The following ZNF112 variants were observed in gnomAD, a reference collection of about 807,000 sequenced individuals.
ZNF112 encodes the protein zinc finger protein 112, also known as zinc finger protein 112 (Y14).
A neutral mutation model predicts 77.7 loss-of-function variants in ZNF112; 37 were observed. That is an observed-to-expected ratio of 0.48 (90% confidence interval 0.37 to 0.63). The LOEUF is 0.63. Ranked by LOEUF, ZNF112 falls within the 20% of genes least tolerant of loss-of-function variation. The probability of loss-of-function intolerance (pLI) is 0.00; values close to 1 mark genes in which losing one functional copy is unlikely to be tolerated. For synonymous variants in ZNF112, 333 were observed against 363.6 expected (o/e 0.92, Z 0.96); for missense variants, 950 against 1,077.4 (o/e 0.88, Z 1.66).
At chr19:44,338,476 C>A (rs1221738025) in intron 2 of ZNF112, among the ~76,000 whole-genome samples, 5 of 152,126 alleles carry the variant, frequency 3.3e-5, no homozygotes, top group Non-Finnish European at 7.3e-5. Flanking sequence ...AAAGTTAACA[C>A]CACCTTTGAG....
intron 1 of ZNF112, among the ~76,000 whole-genome samples, chr19:44,364,995 G>C (rs1970889028): frequency 6.6e-6 from 1 of 151,786 alleles, no homozygotes; most frequent in South Asian, 2.1e-4. Flanking sequence ...CATGAGACAA[G>C]CTGGGGGTGG....
Position 44,327,796 on chromosome 19 carries a change from T to C in ZNF112, c.2361A>G (p.Gln787=). The change falls in exon 4 of 4, where the codon CAA becomes CAG. Residue 787 remains glutamine (Q), a synonymous_variant. Transcript: ENST00000354340. ...CTTCCACATGAACCCTTTGGTGTGC[T>C]TGAAGGCGTGAACTCTCACTGAAAC... The part of the protein sequence containing the change: ...TKGFSESSRL[Q]AHQRVHVEGR... 3 of 1,614,048 alleles carry C rather than the reference T, an allele frequency of 1.9e-6. No individual in the cohort carries two copies. The highest frequency in any genetic ancestry group is 2.5e-6 in the Non-Finnish European group (3 of 1,179,962).
At chr19:44,359,940 T>C (rs1283021123), upstream of ZNF112, among the ~76,000 whole-genome samples, 1 of 152,074 alleles carries the variant, frequency 6.6e-6, no homozygotes, top group East Asian at 1.9e-4. Flanking sequence ...ACAAAATTTG[T>C]GAGAGGCTTC....
Position 44,328,850 on chromosome 19 carries a change from G to A in ZNF112, c.1307C>T (p.Ser436Leu), listed in dbSNP as rs1970197375. 6.2e-7 allele frequency: 1 copy of A among 1,613,828 alleles called. No individual in the cohort carries two copies. The highest frequency in any genetic ancestry group is 1.1e-5 in the South Asian group (1 of 91,084). Residue 436 changes from serine (S) to leucine (L), a missense_variant, in exon 4 of 4, where the codon TCA (serine) becomes TTA (leucine). Ser to Leu is a moderately radical substitution (Grantham distance 145). Around this residue, in one of 3 missense-constraint regions of ZNF112, gnomAD observed 560 missense variants for 557.3 expected, o/e 1.00. Coordinates refer to ENST00000354340, the MANE Select transcript of ZNF112 (RefSeq NM_013380.4). ...ATTACCACACTCCTCAGAATTATAT[G>A]AATTCTCTTCCATATGAACCCTATG... ...IQHRVHMEEN[S>L]YNSEECGNGF... is the part of the protein sequence containing the mutation.
rs767238202 is a variant in ZNF112 at position 44,328,025 on chromosome 19, C to G, written c.2132G>C (p.Gly711Ala). 1 of 1,613,928 alleles carries G rather than the reference C, an allele frequency of 6.2e-7. No individual in the cohort carries two copies. Among genetic ancestry groups the G allele is most frequent in the Admixed American group, 1.7e-5 (1 of 60,000 alleles). Reference sequence around the variant, plus strand: ...TACCTCACATATATATGGTCTTTCTCCAGAATGGACACTCTGATGACTCTG... The same window carrying G: ...TACCTCACATATATATGGTCTTTCTGCAGAATGGACACTCTGATGACTCTG... ...YLQSHQSVHS[G>A]ERPYICEVCG... is the part of the protein sequence containing the mutation. Residue 711 changes from glycine (G) to alanine (A), a missense_variant, in exon 4 of 4, where the codon GGA becomes GCA. Physicochemically the swap from Gly to Ala is moderately conservative, Grantham distance 60 (BLOSUM62 0). Coordinates refer to ENST00000354340, the MANE Select transcript of ZNF112 (RefSeq NM_013380.4).
rs972905945 is a variant in ZNF112 at position 44,327,639 on chromosome 19, A to G, written c.2518T>C (p.Ser840Pro). The change falls in exon 4 of 4, where the codon TCA becomes CCA. Residue 840 changes from serine to proline, a missense_variant. Physicochemically the swap from Ser to Pro is moderately conservative, Grantham distance 74 (BLOSUM62 -1). Around this residue, in one of 3 missense-constraint regions of ZNF112, gnomAD observed 373 missense variants for 482.8 expected, o/e 0.77. Transcript: ENST00000354340. ...ACTCTCTGGTGAGCCTGAAGATTTG[A>G]TCTCTGACTGAAGCCCTTTCCACAT... ...EVCGKGFSQR[S>P]NLQAHQRVHT... The G allele has an allele frequency of 6.2e-7, 1 of 1,613,756 alleles. No individual in the cohort carries two copies. The highest frequency in any genetic ancestry group is 1.3e-5 in the African/African-American group (1 of 74,832).
At chr19:44,356,125 T>C (rs374822799) in intron 1 of ZNF112, among the ~76,000 whole-genome samples, 1 of 152,186 alleles carries the variant, frequency 6.6e-6, no homozygotes, top group Non-Finnish European at 1.5e-5. Flanking sequence ...TCTGACCCCA[T>C]CCTGGGTTCA....
chr19:44,336,080 G>A (rs1970360235), intron 3 of ZNF112, among the ~76,000 whole-genome samples: 1 of 152,148 alleles, frequency 6.6e-6, no homozygotes, highest in Admixed American at 6.5e-5. Flanking sequence ...TTATAATGTT[G>A]GCATTGGTCA....
At chr19:44,366,341 T>C (rs1245368577) in intron 1 of ZNF112, among the ~76,000 whole-genome samples, 1 of 152,210 alleles carries the variant, frequency 6.6e-6, no homozygotes, top group African/African-American at 2.4e-5. Flanking sequence ...TCCTTTTTTT[T>C]CCAGTATAAG....
chr19:44,344,965 A>T (rs1970561185), intron 1 of ZNF112, among the ~76,000 whole-genome samples: 1 of 152,214 alleles, frequency 6.6e-6, no homozygotes, highest in Non-Finnish European at 1.5e-5. Flanking sequence ...ACAGTTGAGA[A>T]TACTGAGGCA....
rs1970424223 is a variant in ZNF112, at chr19:44,338,193, C to CA, written c.125-1476dup. 3.3e-5 allele frequency among the ~76,000 whole-genome samples: 5 copies of CA among 152,002 alleles called. No individual in the cohort carries two copies. The South Asian group carries it at 1.0e-3, about 32-fold the overall frequency. On this transcript the variant is annotated intron_variant, in intron 2 of 3. Transcript: ENST00000354340. ...AACTATAAACCTTTAAAAAATTTCA[C>CA]AAATCCCTACAAATAACATTGAAAT...
chr19:44,329,646 A>G lies in ZNF112; in HGVS notation c.511T>C (p.Trp171Arg), dbSNP rs1970229936. 6.2e-7 allele frequency: 1 copy of G among 1,614,026 alleles called. No individual in the cohort carries two copies. The highest frequency in any genetic ancestry group is 1.3e-5 in the African/African-American group (1 of 74,920). Reference protein sequence around the residue: ...NYIKSQGYPSWRAHHSWRKMY... With the variant: ...NYIKSQGYPSRRAHHSWRKMY... The stretch of plus-strand genomic sequence containing the variant: ...TTCCTCCAAGAATGATGTGCCCTCC[A>G]AGATGGATACCCTTGACTTTTTATA... Residue 171 changes from tryptophan to arginine, a missense_variant, in exon 4 of 4, where the codon TGG becomes CGG. Around this residue, in one of 3 missense-constraint regions of ZNF112, gnomAD observed 560 missense variants for 557.3 expected, o/e 1.00. Coordinates refer to ENST00000354340, the MANE Select transcript of ZNF112 (RefSeq NM_013380.4).
At chr19:44,343,185 GA>G in intron 1 of ZNF112, 3 of 1,559,450 alleles carry the variant, frequency 1.9e-6, no homozygotes, top group South Asian at 2.3e-5. Flanking sequence ...AAAGAAGGGG[GA>G]AAAAGATATG....
intron 2 of ZNF112, 67 bp downstream of exon 2, chr19:44,340,349 T>TG: frequency 1.3e-6 from 2 of 1,563,464 alleles, no homozygotes; most frequent in South Asian, 2.4e-5. Context: ...TCAGAGTTTC[T>TG]AACAATTGAG....
At chr19:44,337,384 A>ATAATATATAATATATATTTTATATAT (rs1568665622) in intron 2 of ZNF112, among the ~76,000 whole-genome samples, 1 of 47,340 alleles carries the variant, frequency 2.1e-5, no homozygotes, top group African/African-American at 6.3e-5. Flanking sequence ...TTTTATATAT[A>ATAATATATAATATATATTTTATATAT]ATAATATATA....
chr19:44,340,750 A>C (rs1377331366), intron 1 of ZNF112, among the ~76,000 whole-genome samples: 2 of 152,206 alleles, frequency 1.3e-5, no homozygotes, highest in African/African-American at 4.8e-5. Flanking sequence ...TCCTTTTGTT[A>C]GCACTTATAA....
chr19:44,328,710 G>A lies in ZNF112; in HGVS notation c.1447C>T (p.His483Tyr), dbSNP rs1448279174. 1 of 1,614,024 alleles carries A rather than the reference G, an allele frequency of 6.2e-7. No homozygotes were observed. Among genetic ancestry groups the A allele is most frequent in the Non-Finnish European group, 8.5e-7 (1 of 1,179,960 alleles). ...SFSHNLYLQG[H>Y]PKIHIGEKPR... The stretch of plus-strand genomic sequence containing the variant: ...TTCTCTCCAATGTGAATTTTTGGAT[G>A]ACCTTGAAGATATAAATTATGGCTG... The change falls in exon 4 of 4, where the codon CAT becomes TAT. Residue 483 changes from histidine (H) to tyrosine (Y), a missense_variant. By Grantham distance (83) the His-to-Tyr change is moderately conservative. Around this residue, in one of 3 missense-constraint regions of ZNF112, gnomAD observed 560 missense variants for 557.3 expected, o/e 1.00. Coordinates refer to ENST00000354340, the MANE Select transcript of ZNF112 (RefSeq NM_013380.4).
upstream of ZNF112, among the ~76,000 whole-genome samples, chr19:44,359,848 G>A (rs769253201): frequency 3.9e-5 from 6 of 152,142 alleles, no homozygotes; most frequent in Non-Finnish European, 5.9e-5. Flanking sequence ...AAGAAACCAT[G>A]TTCATCTCAA....
rs375301079 is a variant in ZNF112, at chr19:44,340,458, G to T, written c.82C>A (p.Arg28=). 6.2e-7 allele frequency: 1 copy of T among 1,614,010 alleles called. No individual in the cohort carries two copies. Among genetic ancestry groups the T allele is most frequent in the Non-Finnish European group, 8.5e-7 (1 of 1,179,952 alleles). ...LLDSVQRKLY[R]DVMLENFRNL... ...CTGAAGTTCTCCAGCATCACATCTCGGTACAGCTTCCTCTGGACAGAGTCC... is the reference window on the plus strand; with the variant it reads ...CTGAAGTTCTCCAGCATCACATCTCTGTACAGCTTCCTCTGGACAGAGTCC... Residue 28 remains arginine (R), a synonymous_variant, in exon 2 of 4, where the codon CGA becomes AGA. Transcript: ENST00000354340.
Sources: allele counts gnomAD v4.1 joint callset (sites outside exome capture counted in the v4.1 genomes callset), GRCh38; gene constraint gnomAD v4.1.1; regional missense constraint gnomAD v4.1.1; transcripts MANE v1.5; gene names NCBI Gene and HGNC (gene_info 2026-07-23, HGNC 2026-07-21).